The following CDH13 variants were observed in gnomAD, a reference collection of about 807,000 sequenced individuals.
CDH13 encodes the protein cadherin 13.
CDH13 carries 24 observed loss-of-function variants against 63.8 expected under a neutral mutation model. That is an observed-to-expected ratio of 0.38 (90% CI 0.27 to 0.53). The LOEUF (loss-of-function observed/expected upper bound fraction) is 0.53, where lower values mean the gene tolerates loss of function less well. Ranked by LOEUF, CDH13 falls within the 20% of genes least tolerant of loss-of-function variation. The pLI is 0.85. For missense variants in CDH13, 1,049 were observed against 903.1 expected (o/e 1.16, Z -2.07); for synonymous variants, 503 against 355.3 (o/e 1.42, Z -4.67).
chr16:83,646,492 G>A (rs548100520), intron 8 of CDH13, among the ~76,000 whole-genome samples: 15 of 152,102 alleles, frequency 9.9e-5, no homozygotes, highest in African/African-American at 3.1e-4. Flanking sequence ...CCTGAGGTCA[G>A]GAGTTCAAGA....
At chr16:83,208,802 A>G (rs1444312795) in intron 4 of CDH13, among the ~76,000 whole-genome samples, 1 of 152,158 alleles carries the variant, frequency 6.6e-6, no homozygotes, top group Admixed American at 6.5e-5. Context: ...GATTTTCTAC[A>G]TAGAGGAAAA....
chr16:83,455,438 T>C (rs2072996401), intron 6 of CDH13, among the ~76,000 whole-genome samples: 1 of 152,162 alleles, frequency 6.6e-6, no homozygotes, highest in African/African-American at 2.4e-5. Flanking sequence ...GCCGTGTCTC[T>C]GTTTGGTTTA....
intron 9 of CDH13, among the ~76,000 whole-genome samples, chr16:83,672,388 T>G (rs1914573363): frequency 7.0e-6 from 1 of 142,466 alleles, no homozygotes; most frequent in Admixed American, 7.6e-5. Context: ...GTAGATAGAG[T>G]GAGGCAGCTC....
chr16:83,498,884 G>A (rs1035797492), intron 7 of CDH13, among the ~76,000 whole-genome samples: 2 of 152,194 alleles, frequency 1.3e-5, no homozygotes, highest in African/African-American at 4.8e-5. Flanking sequence ...AGGTTACTGA[G>A]CCCAGTGGCT....
chr16:83,565,148 G>T (rs569196563), intron 7 of CDH13, among the ~76,000 whole-genome samples: 2 of 152,168 alleles, frequency 1.3e-5, no homozygotes, highest in South Asian at 2.1e-4. Context: ...TTCAGGCCCA[G>T]TGATCCTTTT....
intron 2 of CDH13, among the ~76,000 whole-genome samples, chr16:83,024,233 A>T (rs993574815): frequency 6.6e-6 from 1 of 152,170 alleles, no homozygotes; most frequent in Non-Finnish European, 1.5e-5. Context: ...TTTAGTGGAT[A>T]CAAGGACACA....
chr16:83,790,413 G>GT lies in CDH13; in HGVS notation c.2135-4604dup, dbSNP rs576626432. Reference sequence around the variant, plus strand: ...AGTTTTTTTTGTTTTGTTTTGTTTTGTTTTTTCACAGAGTCTTGCTGTGTC... The same window carrying GT: ...AGTTTTTTTTGTTTTGTTTTGTTTTGTTTTTTTCACAGAGTCTTGCTGTGTC... On this transcript the variant is annotated intron_variant, in intron 13 of 13. Transcript: ENST00000567109. 2.1e-3 allele frequency among the ~76,000 whole-genome samples: 319 copies of GT among 152,046 alleles called. 2 individuals carry two copies. The highest frequency in any genetic ancestry group is 3.2e-3 in the Admixed American group (49 of 15,268).
intron 2 of CDH13, among the ~76,000 whole-genome samples, chr16:82,867,326 T>C (rs535856979): frequency 3.9e-5 from 6 of 152,316 alleles, no homozygotes; most frequent in African/African-American, 1.4e-4. Flanking sequence ...TTTGCCGGTG[T>C]GTTTTCCCAT....
intron 6 of CDH13, among the ~76,000 whole-genome samples, chr16:83,398,689 A>G (rs985066214): frequency 3.3e-5 from 5 of 152,204 alleles, no homozygotes; most frequent in Admixed American, 1.3e-4. Context: ...TTCACAGTTG[A>G]TGCTAAAAGT....
chr16:83,204,064 T>A (rs1429616488), intron 4 of CDH13, among the ~76,000 whole-genome samples: 2 of 152,246 alleles, frequency 1.3e-5, no homozygotes, highest in African/African-American at 4.8e-5. Flanking sequence ...GCTCTGCCAC[T>A]GACATGGGCC....
intron 4 of CDH13, among the ~76,000 whole-genome samples, chr16:83,162,922 C>A (rs1358529628): frequency 1.3e-5 from 2 of 152,074 alleles, no homozygotes; most frequent in Non-Finnish European, 2.9e-5. Context: ...CTAGCACACT[C>A]ATTGATATGG....
intron 2 of CDH13, among the ~76,000 whole-genome samples, chr16:82,870,845 A>G (rs1003720776): frequency 6.6e-6 from 1 of 152,246 alleles, no homozygotes; most frequent in Non-Finnish European, 1.5e-5. Flanking sequence ...CTGACCTATA[A>G]TGGTCCCTGA....
chr16:83,121,010 C>T (rs1044214259), intron 3 of CDH13, among the ~76,000 whole-genome samples: 4 of 152,108 alleles, frequency 2.6e-5, no homozygotes, highest in African/African-American at 9.7e-5. Context: ...GATCCTCCCG[C>T]CTCGGCCTCC....
chr16:83,111,480 C>A (rs184124947), intron 3 of CDH13, among the ~76,000 whole-genome samples: 1 of 152,274 alleles, frequency 6.6e-6, no homozygotes, highest in African/African-American at 2.4e-5. Context: ...CATGATGTGT[C>A]TGAGGATTTG....
intron 4 of CDH13, among the ~76,000 whole-genome samples, chr16:83,138,348 C>G (rs1016490163): frequency 6.6e-5 from 10 of 151,758 alleles, no homozygotes; most frequent in Admixed American, 1.3e-4. Context: ...AACAGGCAGA[C>G]AAGCGCTGTG....
chr16:83,651,486 C>T (rs186476080), intron 8 of CDH13, among the ~76,000 whole-genome samples: 65 of 151,500 alleles, frequency 4.3e-4, no homozygotes, highest in African/African-American at 1.1e-3. Context: ...AATGGAGACA[C>T]GGAGAGGTTA....
chr16:83,550,102 A>G (rs1466361055), intron 7 of CDH13, among the ~76,000 whole-genome samples: 1 of 152,246 alleles, frequency 6.6e-6, no homozygotes, highest in Non-Finnish European at 1.5e-5. Context: ...TGACTCTTCA[A>G]GATTCACAAC....
chr16:83,059,996 G>A (rs982840743), intron 3 of CDH13, among the ~76,000 whole-genome samples: 15 of 151,636 alleles, frequency 9.9e-5, no homozygotes, highest in East Asian at 1.9e-4. Context: ...GGGTTTCACC[G>A]TGTTAGCCAG....
intron 6 of CDH13, among the ~76,000 whole-genome samples, chr16:83,484,263 T>C (rs967159464): frequency 2.6e-5 from 4 of 152,248 alleles, no homozygotes; most frequent in East Asian, 3.9e-4. Flanking sequence ...TAAAACCAGA[T>C]GAATTCTATC....
Sources: allele counts gnomAD v4.1 joint callset (sites outside exome capture counted in the v4.1 genomes callset), GRCh38; gene constraint gnomAD v4.1.1; transcripts MANE v1.5; gene names NCBI Gene and HGNC (gene_info 2026-07-23, HGNC 2026-07-21).